RTN4: variants seen among roughly 807,000 people sequenced by gnomAD.
RTN4 encodes reticulon 4.
In RTN4, 32 loss-of-function variants were observed where a neutral mutation model predicts 90.4. That is an observed-to-expected ratio of 0.35 (90% CI 0.27 to 0.48). RTN4 has a LOEUF of 0.48. RTN4 is among the 20% of genes least tolerant of loss of function. The pLI is 0.99. For missense variants in RTN4, 1,706 were observed against 1,430.2 expected, an observed-to-expected ratio of 1.19 and a Z score of -3.11; for synonymous variants, 629 against 552.5, an observed-to-expected ratio of 1.14 and a Z score of -1.94.
chr2:55,113,028 A>G (rs1225092504), upstream of RTN4, among the ~76,000 whole-genome samples: 1 of 152,218 alleles, frequency 6.6e-6, no homozygotes, highest in Non-Finnish European at 1.5e-5. Flanking sequence ...AGCTCAGTGG[A>G]TGGTCCATAG....
chr2:55,006,806 CCT>C (rs1680261010), intron 3 of RTN4, among the ~76,000 whole-genome samples: 1 of 152,094 alleles, frequency 6.6e-6, no homozygotes, highest in Admixed American at 6.5e-5. Flanking sequence ...TTCTTTCCCC[CCT>C]TAGTATCAGT....
intron 1 of RTN4, among the ~76,000 whole-genome samples, chr2:55,042,749 T>C (rs780451802): frequency 3.5e-4 from 54 of 152,310 alleles, no homozygotes; most frequent in Admixed American, 1.4e-3. Context: ...ATCAGCATCT[T>C]TCTCATTCAA....
rs10639848 is a variant in RTN4, at chr2:55,044,785, T to TAAAA, written c.556+4956_556+4959dup. Among the ~76,000 whole-genome samples the TAAAA allele has an allele frequency of 8.4e-3, 551 of 65,634 alleles. 43 individuals carry two copies. The highest frequency in any genetic ancestry group is 0.018 in the African/African-American group (291 of 16,094). The allele number at this position is 65,634 out of a possible 152,430, so 43.1% of individuals were successfully genotyped here. ...GGATTTGAGAGAGTTTGCAAATCAC[T>TAAAA]AAAAAAAAAAAAAAAAAAAAAAAAA... On this transcript the variant is annotated intron_variant, in intron 1 of 8. Transcript: ENST00000337526.
Position 55,050,254 on chromosome 2 carries a change from G to T in RTN4, c.47C>A (p.Pro16Gln). Residue 16 changes from proline to glutamine, a missense_variant, in exon 1 of 9, where the codon CCA becomes CAA. Coordinates refer to ENST00000337526, the MANE Select transcript of RTN4 (RefSeq NM_020532.5). This position sits in a 1 kb window ranked among gnomAD's most constrained non-coding sequence, Gnocchi z 4.6. ...QSPLVSSSDS[P>Q]PRPQPAFKYQ... ...CTTGAACGCGGGCTGCGGCCGGGGT[G>T]GGCTGTCCGAGGACGAGACCAGAGG... The T allele has an allele frequency of 6.5e-7, 1 of 1,536,138 alleles. No individual in the cohort carries two copies.
At chr2:55,077,720 C>T (rs1430651544) in intron 2 of RTN4, among the ~76,000 whole-genome samples, 1 of 150,538 alleles carries the variant, frequency 6.6e-6, no homozygotes, top group Non-Finnish European at 1.5e-5. Flanking sequence ...AGCCCAAATG[C>T]CCATCAATCA....
chr2:55,027,067 T>C lies in RTN4; in HGVS notation c.1032A>G (p.Gln344=). Residue 344 remains glutamine, a synonymous_variant, in exon 3 of 9, where the codon CAA becomes CAG. Coordinates refer to ENST00000337526, the MANE Select transcript of RTN4 (RefSeq NM_020532.5). ...LVSNNILHNQ[Q]ELPTALTKLV... ...ATTTAGTAAGAGCTGTAGGTAACTC[T>C]TGTTGATTATGAAGGATGTTATTAC... The C allele has an allele frequency of 6.2e-7, 1 of 1,613,456 alleles. No individual in the cohort carries two copies. The highest frequency in any genetic ancestry group is 8.5e-7 in the Non-Finnish European group (1 of 1,179,752).
the RTN4 span, among the ~76,000 whole-genome samples, chr2:55,120,225 GAAGCAAAGGTTCTTAGAAGGA>G: frequency 5.9e-5 from 9 of 152,198 alleles, no homozygotes; most frequent in African/African-American, 1.9e-4. Context: ...GAGGCCGAAG[GAAGCAAAGGTTCTTAGAAGGA>G]AAGCAATGCT....
chr2:54,978,972 T>C (rs1677894059), intron 5 of RTN4, among the ~76,000 whole-genome samples: 1 of 152,148 alleles, frequency 6.6e-6, no homozygotes, highest in South Asian at 2.1e-4. Flanking sequence ...AGAATATAAC[T>C]TTCCCTACCA....
At chr2:55,018,541 T>A (rs1681204036) in intron 3 of RTN4, among the ~76,000 whole-genome samples, 1 of 151,394 alleles carries the variant, frequency 6.6e-6, no homozygotes, top group East Asian at 1.9e-4. Flanking sequence ...GTTTTTTTTT[T>A]ATTATAGTGA....
chr2:55,026,062 C>T lies in RTN4; in HGVS notation c.2037G>A (p.Glu679=). ...KVSGIKEEIK[E]PENINAALQE... ...GAAGAGCTGCATTAATATTTTCAGG[C>T]TCTTTAATTTCTTCCTTTATTCCTG... Residue 679 remains glutamate (E), a synonymous_variant, in exon 3 of 9, where the codon GAG becomes GAA. Transcript: ENST00000337526. 1 of 1,610,402 alleles carries T rather than the reference C, an allele frequency of 6.2e-7. No homozygotes were observed. Among genetic ancestry groups the T allele is most frequent in the Non-Finnish European group, 8.5e-7 (1 of 1,179,106 alleles).
At chr2:55,087,602 C>A (rs1668867095) in intron 1 of RTN4, among the ~76,000 whole-genome samples, 1 of 152,076 alleles carries the variant, frequency 6.6e-6, no homozygotes, top group Admixed American at 6.6e-5. Flanking sequence ...TTGTTGATGG[C>A]CACTCAGCTT....
rs1008171408 is a variant in RTN4 at position 55,110,713 on chromosome 2, C to T, written c.-214+1807G>A. ...TTACTCCAGAAATAAAATAGAAAGC[C>T]AACCTCAAATCAGGAAAAATACAGA... On this transcript the variant is annotated intron_variant, in intron 1 of 3. Coordinates refer to the RTN4 transcript ENST00000427710. Among the ~76,000 whole-genome samples the T allele has an allele frequency of 1.6e-4, 24 of 152,034 alleles. 1 individual carries two copies. Among genetic ancestry groups the T allele is most frequent in the Non-Finnish European group, 1.5e-5 (1 of 67,998 alleles).
chr2:55,079,884 C>A (rs1006795886), intron 2 of RTN4, among the ~76,000 whole-genome samples: 3 of 152,184 alleles, frequency 2.0e-5, no homozygotes, highest in Non-Finnish European at 4.4e-5. Context: ...GGGTCCAAAT[C>A]CTGGTTCCTT....
At chr2:54,995,444 C>G (rs1679345561) in intron 3 of RTN4, among the ~76,000 whole-genome samples, 2 of 152,040 alleles carry the variant, frequency 1.3e-5, no homozygotes, top group South Asian at 4.2e-4. Flanking sequence ...CTCCTACCAC[C>G]ACCACACAGT....
At chr2:55,078,739 C>T (rs971227784) in intron 2 of RTN4, among the ~76,000 whole-genome samples, 1 of 151,978 alleles carries the variant, frequency 6.6e-6, no homozygotes. Flanking sequence ...GCTTTAAAAG[C>T]GGGGAGAAAT....
chr2:55,000,620 T>C (rs1261753031), intron 3 of RTN4, among the ~76,000 whole-genome samples: 1 of 152,192 alleles, frequency 6.6e-6, no homozygotes, highest in Non-Finnish European at 1.5e-5. Flanking sequence ...TTATCTGCAT[T>C]ACATATGTGA....
chr2:55,109,949 TTA>T (rs1352896979), intron 1 of RTN4, among the ~76,000 whole-genome samples: 1 of 152,158 alleles, frequency 6.6e-6, no homozygotes, highest in African/African-American at 2.4e-5. Context: ...GACATTGAAT[TTA>T]TATTCAGAAG....
At position 55,044,621 on chromosome 2, in the gene RTN4, T is replaced by A. The variant is rs374257109; in HGVS notation, c.556+5124A>T. Among the ~76,000 whole-genome samples the A allele has an allele frequency of 5.3e-5, 8 of 152,054 alleles. No homozygotes were observed. The East Asian group carries it at 1.3e-3, about 26-fold the overall frequency. On this transcript the variant is annotated intron_variant, in intron 1 of 8. Coordinates refer to ENST00000337526, the MANE Select transcript of RTN4 (RefSeq NM_020532.5). The stretch of plus-strand genomic sequence containing the variant: ...TAATGGACAATAGGTAACATGCTCC[T>A]TTTCAGAAATGTTTTTATAACATGG...
In RTN4 at chr2:54,995,569, A is replaced by G. The variant is rs963365838; in HGVS notation, c.3014-7871T>C. Among the ~76,000 whole-genome samples the G allele has an allele frequency of 5.3e-5, 8 of 152,248 alleles. No homozygotes were observed. In the East Asian group the frequency reaches 5.8e-4, roughly 11 times the overall value. ...GGGTTTTTATTTTATAATAATCTGT[A>G]TTCATTCATTCATTCGTTCATTCAT... On this transcript the variant is annotated intron_variant, in intron 3 of 8. Transcript: ENST00000337526.
Sources: allele counts gnomAD v4.1 joint callset (sites outside exome capture counted in the v4.1 genomes callset), GRCh38; gene constraint gnomAD v4.1.1; non-coding constraint Gnocchi (gnomAD v3.1); transcripts MANE v1.5; gene names NCBI Gene and HGNC (gene_info 2026-07-23, HGNC 2026-07-21).